Variants in SAMD12 observed in about 807,000 individuals in gnomAD.
SAMD12 encodes the protein sterile alpha motif domain containing 12, also known as sterile alpha motif domain-containing protein 12.
A neutral mutation model predicts 15.0 loss-of-function variants in SAMD12; 9 were observed. The ratio of observed to expected loss-of-function variants is 0.60; its 90% CI spans 0.36 to 1.05. The LOEUF (loss-of-function observed/expected upper bound fraction) is 1.05, where lower values mean the gene tolerates loss of function less well. Ranked by LOEUF, SAMD12 falls within the 50% of genes least tolerant of loss-of-function variation. SAMD12 has a pLI of 0.01. For synonymous variants in SAMD12, 86 were observed against 90.1 expected (o/e 0.96, Z 0.25); for missense variants, 230 against 234.2 (o/e 0.98, Z 0.12).
At chr8:118,423,753 A>C (rs1198676032) in intron 3 of SAMD12, among the ~76,000 whole-genome samples, 2 of 152,196 alleles carry the variant, frequency 1.3e-5, no homozygotes, top group Non-Finnish European at 2.9e-5. Flanking sequence ...AAAGCTATCT[A>C]AGGTCTTGGA....
intron 2 of SAMD12, among the ~76,000 whole-genome samples, chr8:118,511,555 C>A (rs1288199144): frequency 6.6e-6 from 1 of 152,020 alleles, no homozygotes; most frequent in Non-Finnish European, 1.5e-5. Context: ...CCTCTGCTGT[C>A]AGTTACAATG....
chr8:118,535,994 A>G (rs1033109156), intron 2 of SAMD12, among the ~76,000 whole-genome samples: 3 of 152,176 alleles, frequency 2.0e-5, no homozygotes, highest in African/African-American at 7.2e-5. Context: ...AGATGAACCC[A>G]GTACCTCAGT....
At chr8:118,182,821 A>G in the SAMD12 span, among the ~76,000 whole-genome samples, 21 of 152,342 alleles carry the variant, frequency 1.4e-4, no homozygotes, top group African/African-American at 4.8e-4. Flanking sequence ...ATTTTGGAAG[A>G]CAGATGTTGG....
At chr8:118,364,365 C>T (rs1412016768) in intron 4 of SAMD12, among the ~76,000 whole-genome samples, 1 of 152,104 alleles carries the variant, frequency 6.6e-6, no homozygotes, top group African/African-American at 2.4e-5. Flanking sequence ...ACATAACCTG[C>T]AAGTTTAGGT....
At chr8:118,506,434 T>C (rs76899576) in intron 2 of SAMD12, among the ~76,000 whole-genome samples, 3,586 of 152,290 alleles carry the variant, frequency 0.024, 115 homozygotes, top group African/African-American at 0.076. Flanking sequence ...CATTCCCTTC[T>C]GACAGTCTCT....
intron 1 of SAMD12, among the ~76,000 whole-genome samples, chr8:118,612,984 T>C (rs1328412459): frequency 6.6e-6 from 1 of 152,202 alleles, no homozygotes; most frequent in Non-Finnish European, 1.5e-5. Flanking sequence ...ACCATTTATA[T>C]GAAATCTAGA....
At chr8:118,370,200 T>G (rs1683385868) in intron 4 of SAMD12, among the ~76,000 whole-genome samples, 2 of 152,102 alleles carry the variant, frequency 1.3e-5, no homozygotes, top group South Asian at 4.1e-4. Flanking sequence ...ACATCACTGA[T>G]CATTAGAGAA....
chr8:118,188,037 AAGAGAG>A (rs145785924), downstream of SAMD12, among the ~76,000 whole-genome samples: 32 of 147,588 alleles, frequency 2.2e-4, no homozygotes, highest in East Asian at 1.8e-3. Context: ...AATGGGTTGG[AAGAGAG>A]AGAGAGAGAG....
intron 3 of SAMD12, among the ~76,000 whole-genome samples, chr8:118,429,058 C>G (rs1822320124): frequency 6.6e-6 from 1 of 152,178 alleles, no homozygotes; most frequent in African/African-American, 2.4e-5. Flanking sequence ...ATTGAGTCTT[C>G]TAATCCACAA....
intron 2 of SAMD12, among the ~76,000 whole-genome samples, chr8:118,521,799 C>T (rs184456824): frequency 1.3e-5 from 2 of 152,282 alleles, no homozygotes; most frequent in East Asian, 3.9e-4. Flanking sequence ...ACTGCAGCCA[C>T]CTCATTTTGT....
At chr8:118,155,369 G>C in the SAMD12 span, among the ~76,000 whole-genome samples, 1 of 152,144 alleles carries the variant, frequency 6.6e-6, no homozygotes, top group East Asian at 1.9e-4. Context: ...TTTTGGGGGG[G>C]TGGGCCACAT....
chr8:118,517,092 C>A (rs1005628052), intron 2 of SAMD12, among the ~76,000 whole-genome samples: 1 of 152,174 alleles, frequency 6.6e-6, no homozygotes, highest in African/African-American at 2.4e-5. Flanking sequence ...GGGTAAGTAG[C>A]CCTCCCTACA....
chr8:118,466,060 C>A (rs530425461), intron 2 of SAMD12, among the ~76,000 whole-genome samples: 1 of 152,280 alleles, frequency 6.6e-6, no homozygotes, highest in South Asian at 2.1e-4. Flanking sequence ...CACATCTCAT[C>A]TCAAACAAAT....
Position 118,241,569 on chromosome 8 carries a change from T to C in SAMD12, c.434-43837A>G, listed in dbSNP as rs569996485. Among the ~76,000 whole-genome samples the C allele has an allele frequency of 2.6e-5, 4 of 152,256 alleles. No homozygotes were observed. The East Asian group carries it at 7.7e-4, about 29-fold the overall frequency. ...GATGATTATACCTTTTTGGAAATAA[T>C]CCCAACTCTTGATAAGCATACTGCT... On this transcript the variant is annotated intron_variant, in intron 4 of 4. Transcript: ENST00000409003.
chr8:118,535,885 C>G (rs1049654047), intron 2 of SAMD12, among the ~76,000 whole-genome samples: 1 of 152,240 alleles, frequency 6.6e-6, no homozygotes, highest in Non-Finnish European at 1.5e-5. Flanking sequence ...TCCCTGACCC[C>G]TTGCACTTCC....
intron 4 of SAMD12, among the ~76,000 whole-genome samples, chr8:118,261,179 T>C (rs1211590791): frequency 6.6e-6 from 1 of 152,058 alleles, no homozygotes; most frequent in African/African-American, 2.4e-5. Context: ...ATTATTATTA[T>C]TTTTTTAGCT....
chr8:118,273,686 A>T (rs1813416138), intron 4 of SAMD12, among the ~76,000 whole-genome samples: 3 of 152,162 alleles, frequency 2.0e-5, no homozygotes. Context: ...ACATGGCCTT[A>T]AAGGAAGGCA....
At chr8:118,278,426 G>T (rs1195425936) in intron 4 of SAMD12, among the ~76,000 whole-genome samples, 1 of 152,090 alleles carries the variant, frequency 6.6e-6, no homozygotes, top group African/African-American at 2.4e-5. Context: ...CTTTCCACAC[G>T]TCCTCCTTTC....
intron 3 of SAMD12, chr8:118,395,080 T>C (rs1820487501): frequency 6.6e-6 from 1 of 152,162 alleles, no homozygotes; most frequent in Non-Finnish European, 1.5e-5. Flanking sequence ...GAAGATTAAA[T>C]TAATTAATAC....
Sources: gnomAD v4.1 joint callset for allele counts (sites outside exome capture counted in the v4.1 genomes callset) on GRCh38, gnomAD v4.1.1 for gene constraint, MANE v1.5 for transcripts, NCBI Gene and HGNC (gene_info 2026-07-23, HGNC 2026-07-21) for gene names.